Variants in BLTP1 observed in about 807,000 individuals in gnomAD.
The protein encoded by BLTP1 is bridge-like lipid transfer protein family member 1.
the BLTP1 span, among the ~76,000 whole-genome samples, chr4:122,338,102 G>C: frequency 6.6e-6 from 1 of 151,772 alleles, no homozygotes; most frequent in African/African-American, 2.4e-5. Flanking sequence ...AGAATTTTTA[G>C]CTAGCTTTTT....
chr4:122,155,958 C>G, the BLTP1 span: 1 of 949,872 alleles, frequency 1.1e-6, no homozygotes, highest in African/African-American at 1.8e-5. Flanking sequence ...AGGGTAGTTT[C>G]TAGCCACCAT....
chr4:122,189,997 T>A, the BLTP1 span: 1 of 1,596,006 alleles, frequency 6.3e-7, no homozygotes, highest in South Asian at 1.1e-5. Flanking sequence ...CACCTTCTTA[T>A]AGACCACCGA....
the BLTP1 span, among the ~76,000 whole-genome samples, chr4:122,159,416 C>T: frequency 3.9e-3 from 583 of 150,884 alleles, 6 homozygotes; most frequent in African/African-American, 0.013. Context: ...TGAGCCAGAT[C>T]GTGCCACTGC....
the BLTP1 span, among the ~76,000 whole-genome samples, chr4:122,176,656 T>A: frequency 6.6e-6 from 1 of 152,168 alleles, no homozygotes. Flanking sequence ...TAAATTCTTT[T>A]GCTTCTACTC....
chr4:122,239,491 G>A, the BLTP1 span: 14,954 of 1,490,440 alleles, frequency 0.01, 213 homozygotes, highest in African/African-American at 0.059. Flanking sequence ...ATAGAAAATG[G>A]TAATAGCTTT....
the BLTP1 span, chr4:122,325,960 A>G: frequency 3.8e-6 from 2 of 527,992 alleles, no homozygotes; most frequent in South Asian, 4.2e-5. Context: ...AAAACTAATC[A>G]ACCACACTGA....
At chr4:122,334,690 G>C in the BLTP1 span, 1 of 736,024 alleles carries the variant, frequency 1.4e-6, no homozygotes, top group Non-Finnish European at 2.1e-6. Flanking sequence ...CTTCATATAT[G>C]GAAGTGTGGG....
chr4:122,172,968 A>G, the BLTP1 span: 16 of 1,584,170 alleles, frequency 1.0e-5, no homozygotes, highest in Non-Finnish European at 1.2e-5. Flanking sequence ...CCAAGTATTA[A>G]ATTGTAAGAG....
chr4:122,196,676 T>G, the BLTP1 span: 18 of 1,609,498 alleles, frequency 1.1e-5, no homozygotes, highest in Admixed American at 6.7e-5. Context: ...GACTATCAAG[T>G]TCTGAAAGTT....
At chr4:122,162,935 C>A in the BLTP1 span, among the ~76,000 whole-genome samples, 1 of 152,154 alleles carries the variant, frequency 6.6e-6, no homozygotes, top group Non-Finnish European at 1.5e-5. Flanking sequence ...CTCTTTCTAT[C>A]AAAAGCTAGT....
At chr4:122,250,040 A>T in the BLTP1 span, 1 of 894,660 alleles carries the variant, frequency 1.1e-6, no homozygotes, top group Non-Finnish European at 1.3e-6. Flanking sequence ...TAAATTCTTT[A>T]TTCAGCGAAA....
chr4:122,262,944 A>G, the BLTP1 span: 1 of 1,613,904 alleles, frequency 6.2e-7, no homozygotes, highest in East Asian at 2.2e-5. Context: ...TCCTCAGAGA[A>G]GCAGTGCTGC....
the BLTP1 span, among the ~76,000 whole-genome samples, chr4:122,222,636 G>A: frequency 2.6e-5 from 4 of 151,896 alleles, no homozygotes; most frequent in Non-Finnish European, 4.4e-5. Flanking sequence ...GCAATCTCTG[G>A]TATTCACTCA....
the BLTP1 span, chr4:122,305,743 A>AAT: frequency 7.4e-7 from 1 of 1,353,012 alleles, no homozygotes; most frequent in South Asian, 1.7e-5. Context: ...GAGTATAAGG[A>AAT]ATATACATTA....
chr4:122,327,272 G>A, the BLTP1 span, among the ~76,000 whole-genome samples: 3 of 151,382 alleles, frequency 2.0e-5, no homozygotes, highest in Non-Finnish European at 4.4e-5. Context: ...ACAAATACTC[G>A]AGTCCCTTTT....
At chr4:122,210,975 A>G in the BLTP1 span, 1 of 1,612,772 alleles carries the variant, frequency 6.2e-7, no homozygotes, top group African/African-American at 1.3e-5. Flanking sequence ...CTACTTCTTC[A>G]CGCCCACCTA....
the BLTP1 span, chr4:122,298,771 CT>C: frequency 1.4e-6 from 1 of 694,912 alleles, no homozygotes; most frequent in African/African-American, 1.9e-5. Context: ...CGAACTGATA[CT>C]TGAGTAAGTT....
chr4:122,347,455 T>C, the BLTP1 span: 1 of 1,536,842 alleles, frequency 6.5e-7, no homozygotes, highest in Non-Finnish European at 8.8e-7. Flanking sequence ...GGTGAACTTA[T>C]TTTATAACAT....
At chr4:122,190,030 G>C in the BLTP1 span, 75 of 1,612,956 alleles carry the variant, frequency 4.6e-5, 2 homozygotes, top group South Asian at 8.1e-4. Context: ...AAGGTTTTGT[G>C]GTGATGCAGT....
Sources: gnomAD v4.1 joint callset for allele counts (sites outside exome capture counted in the v4.1 genomes callset) on GRCh38, gnomAD v4.1.1 for gene constraint, MANE v1.5 for transcripts, NCBI Gene and HGNC (gene_info 2026-07-23, HGNC 2026-07-21) for gene names.